CUX1: variants seen among roughly 807,000 people sequenced by gnomAD.
CUX1 encodes the protein protein CASP.
A neutral mutation model predicts 158.8 loss-of-function variants in CUX1; 31 were observed. The ratio of observed to expected loss-of-function variants is 0.20; its 90% CI spans 0.15 to 0.26. The LOEUF (loss-of-function observed/expected upper bound fraction) is 0.26, where lower values mean the gene tolerates loss of function less well. Among genes scored for constraint, CUX1 ranks in the 10% least tolerant of loss-of-function variants. The probability of loss-of-function intolerance (pLI) is 1.00; values close to 1 mark genes in which losing one functional copy is unlikely to be tolerated. For synonymous variants in CUX1, 879 were observed against 862.1 expected, an observed-to-expected ratio of 1.02 and a Z score of -0.34; for missense variants, 1,589 against 2,014.6, an observed-to-expected ratio of 0.79 and a Z score of 4.04.
intron 20 of CUX1, among the ~76,000 whole-genome samples, chr7:102,223,578 T>C (rs1452031396): frequency 1.3e-5 from 2 of 152,172 alleles, no homozygotes; most frequent in Non-Finnish European, 2.9e-5. Context: ...TTACTTCTCC[T>C]TTCAAACATT....
In CUX1 at chr7:102,255,852, C is replaced by T; in HGVS notation, c.*6810C>T. 2 of 983,612 alleles carry T rather than the reference C, an allele frequency of 2.0e-6. No individual in the cohort carries two copies. Among genetic ancestry groups the T allele is most frequent in the Non-Finnish European group, 2.4e-6 (2 of 828,712 alleles). The allele number at this position is 983,612 out of a possible 1,614,324, so 60.9% of individuals were successfully genotyped here. On this transcript the variant is annotated 3_prime_UTR_variant, in exon 24 of 24. Coordinates refer to ENST00000292535, the MANE Select transcript of CUX1 (RefSeq NM_181552.4). ...TTATTATTTTATTATTTTTTTTGTA[C>T]TTTGCTTTAAACGGAAAGCACTTAA...
At chr7:102,269,827 C>G (rs1791088025) in intron 14 of CUX1, among the ~76,000 whole-genome samples, 1 of 149,290 alleles carries the variant, frequency 6.7e-6, no homozygotes, top group South Asian at 2.1e-4. Flanking sequence ...ATGCCCCCCC[C>G]AAACGCTTCC....
chr7:101,991,447 A>G (rs957526236), intron 2 of CUX1, among the ~76,000 whole-genome samples: 4 of 152,124 alleles, frequency 2.6e-5, no homozygotes, highest in Admixed American at 6.5e-5. Context: ...TATTTCTGTG[A>G]TGTCTGCTTC....
chr7:101,971,831 A>G (rs141453529), intron 2 of CUX1, among the ~76,000 whole-genome samples: 2 of 152,348 alleles, frequency 1.3e-5, no homozygotes, highest in East Asian at 3.9e-4. Flanking sequence ...GCTTAATAGA[A>G]GCAGCATTAC....
At chr7:102,135,642 T>G (rs1833825083) in intron 8 of CUX1, among the ~76,000 whole-genome samples, 1 of 152,032 alleles carries the variant, frequency 6.6e-6, no homozygotes, top group African/African-American at 2.4e-5. Flanking sequence ...CCAGCAATCT[T>G]ATCCTTAATC....
chr7:101,876,162 A>G (rs998145104), intron 1 of CUX1, among the ~76,000 whole-genome samples: 1 of 151,880 alleles, frequency 6.6e-6, no homozygotes, highest in Non-Finnish European at 1.5e-5. Flanking sequence ...CCTGGCCAAC[A>G]TGGCGAAACC....
chr7:102,112,509 G>A (rs923560400), intron 7 of CUX1, among the ~76,000 whole-genome samples: 22 of 151,732 alleles, frequency 1.4e-4, no homozygotes, highest in African/African-American at 5.3e-4. Flanking sequence ...CCAAAGTGCT[G>A]GGATTACAGG....
At chr7:102,092,912 C>CAAAAAAAAA (rs60587564) in intron 4 of CUX1, among the ~76,000 whole-genome samples, 2 of 74,942 alleles carry the variant, frequency 2.7e-5, no homozygotes, top group Non-Finnish European at 5.2e-5. Context: ...GACTCCGTCT[C>CAAAAAAAAA]AAAAAAAAAA....
At chr7:101,984,520 C>G (rs967448462) in intron 2 of CUX1, among the ~76,000 whole-genome samples, 3 of 144,180 alleles carry the variant, frequency 2.1e-5, no homozygotes, top group Non-Finnish European at 4.5e-5. Context: ...AAAAAAAGTG[C>G]TTGCAGTGAG....
chr7:102,112,232 TTC>T (rs201869361), intron 7 of CUX1, among the ~76,000 whole-genome samples: 1,629 of 146,006 alleles, frequency 0.011, 285 homozygotes, highest in Middle Eastern at 0.035. Context: ...TTAAACTTCT[TTC>T]TCTCTCTCTT....
intron 2 of CUX1, among the ~76,000 whole-genome samples, chr7:101,921,157 C>G (rs971700849): frequency 5.9e-5 from 9 of 152,182 alleles, no homozygotes; most frequent in Non-Finnish European, 1.5e-5. Flanking sequence ...AGGCGACATA[C>G]TTAGTAGCTG....
intron 2 of CUX1, among the ~76,000 whole-genome samples, chr7:101,984,101 T>TATATATATATATATATATATATAC (rs1813898725): frequency 5.2e-5 from 1 of 19,334 alleles, no homozygotes; most frequent in African/African-American, 2.0e-4. Context: ...TATATATATA[T>TATATATATATATATATATATATAC]ATATATATAT....
intron 2 of CUX1, among the ~76,000 whole-genome samples, chr7:101,958,479 CTTT>C (rs11433173): frequency 3.6e-5 from 4 of 112,102 alleles, no homozygotes; most frequent in African/African-American, 6.9e-5. Flanking sequence ...ATTTTCTTTT[CTTT>C]TTTTTTTTTT....
chr7:102,116,585 A>G (rs906003223), intron 8 of CUX1, among the ~76,000 whole-genome samples: 11 of 152,142 alleles, frequency 7.2e-5, no homozygotes, highest in African/African-American at 2.7e-4. Context: ...TTGAGGCTGC[A>G]GTGAGCTGTG....
At position 102,256,842 on chromosome 7, in the gene CUX1, T is replaced by G; in HGVS notation, c.*7800T>G. The G allele has an allele frequency of 2.0e-6, 2 of 985,430 alleles. No individual in the cohort carries two copies. Among genetic ancestry groups the G allele is most frequent in the Non-Finnish European group, 2.4e-6 (2 of 829,970 alleles). The allele number at this position is 985,430 out of a possible 1,614,324, so 61.0% of individuals were successfully genotyped here. A position where few individuals can be genotyped will look rare whatever the true frequency, so the allele number is the denominator to read the frequency against. Reference sequence around the variant, plus strand: ...AGAGTGATTTCTTGCAAGGCCCGCATGGGTTGATACGTTTTGGTTGGTTTT... The same window carrying G: ...AGAGTGATTTCTTGCAAGGCCCGCAGGGGTTGATACGTTTTGGTTGGTTTT... On this transcript the variant is annotated 3_prime_UTR_variant, in exon 24 of 24. Coordinates refer to ENST00000292535, the MANE Select transcript of CUX1 (RefSeq NM_181552.4).
At chr7:101,929,838 G>A (rs1478381083) in intron 2 of CUX1, among the ~76,000 whole-genome samples, 1 of 152,056 alleles carries the variant, frequency 6.6e-6, no homozygotes, top group Non-Finnish European at 1.5e-5. Context: ...GGTTCCAGAA[G>A]CCAATTTTTT....
chr7:101,859,042 G>A (rs1344959841), intron 1 of CUX1, among the ~76,000 whole-genome samples: 1 of 152,194 alleles, frequency 6.6e-6, no homozygotes, highest in Non-Finnish European at 1.5e-5. Context: ...AGTAGGTCAG[G>A]TGGCTAATGA....
At chr7:101,817,422 G>A (rs1791975069), upstream of CUX1, 1 of 984,466 alleles carries the variant, frequency 1.0e-6, no homozygotes, top group Non-Finnish European at 1.2e-6. The surrounding 1 kb of genome is among the most constrained non-coding windows in gnomAD (Gnocchi z 4.1). Context: ...CGTTGGGACC[G>A]TGGCATGCCG....
chr7:101,851,345 C>A (rs1001055357), intron 1 of CUX1, among the ~76,000 whole-genome samples: 20 of 151,960 alleles, frequency 1.3e-4, no homozygotes, highest in Non-Finnish European at 2.6e-4. Flanking sequence ...TCTTGGCCCC[C>A]CTATTCTGCC....
Sources: allele counts gnomAD v4.1 joint callset (sites outside exome capture counted in the v4.1 genomes callset), GRCh38; gene constraint gnomAD v4.1.1; non-coding constraint Gnocchi (gnomAD v3.1); transcripts MANE v1.5; gene names NCBI Gene and HGNC (gene_info 2026-07-23, HGNC 2026-07-21).